Variants in LSAMP observed in about 807,000 individuals in gnomAD.
LSAMP encodes the protein limbic system associated membrane protein.
A neutral mutation model predicts 38.6 loss-of-function variants in LSAMP; 7 were observed. The ratio of observed to expected loss-of-function variants is 0.18; its 90% CI spans 0.10 to 0.34. The LOEUF (loss-of-function observed/expected upper bound fraction) is 0.34, where lower values mean the gene tolerates loss of function less well. Among genes scored for constraint, LSAMP ranks in the 10% least tolerant of loss-of-function variants. The pLI is 1.00. For synonymous variants in LSAMP, 154 were observed against 166.8 expected, an observed-to-expected ratio of 0.92 and a Z score of 0.59; for missense variants, 313 against 420.0, an observed-to-expected ratio of 0.75 and a Z score of 2.23.
chr3:116,231,815 T>C (rs2046405267), intron 1 of LSAMP, among the ~76,000 whole-genome samples: 1 of 152,178 alleles, frequency 6.6e-6, no homozygotes, highest in South Asian at 2.1e-4. Context: ...AGCTCAGAAC[T>C]TAGAACCTTT....
At chr3:115,939,595 C>T (rs1937839881) in intron 3 of LSAMP, among the ~76,000 whole-genome samples, 1 of 44,076 alleles carries the variant, frequency 2.3e-5, no homozygotes. Flanking sequence ...TGTTAAGAGA[C>T]AGGCTGGAGT....
intron 1 of LSAMP, among the ~76,000 whole-genome samples, chr3:116,291,296 T>C (rs1263511807): frequency 6.6e-6 from 1 of 152,190 alleles, no homozygotes; most frequent in Non-Finnish European, 1.5e-5. Flanking sequence ...CTTTGAGGAC[T>C]CTGCCATATG....
chr3:115,988,971 C>G (rs1333376845), intron 3 of LSAMP, among the ~76,000 whole-genome samples: 2 of 152,016 alleles, frequency 1.3e-5, no homozygotes, highest in Admixed American at 1.3e-4. Context: ...TCCCTTCTCA[C>G]CAATAAAACC....
At chr3:116,206,236 G>A (rs2046067203) in intron 1 of LSAMP, among the ~76,000 whole-genome samples, 1 of 149,058 alleles carries the variant, frequency 6.7e-6, no homozygotes, top group Non-Finnish European at 1.5e-5. Context: ...ATTTCTGTGG[G>A]ATCAGTGGTG....
intron 3 of LSAMP, among the ~76,000 whole-genome samples, chr3:115,918,027 G>A (rs889792280): frequency 8.5e-5 from 13 of 152,126 alleles, no homozygotes; most frequent in African/African-American, 2.7e-4. Flanking sequence ...AGAAATCGGG[G>A]CCAGTGCTGT....
At position 116,286,505 on chromosome 3, in the gene LSAMP, T is replaced by C. The variant is rs369083496; in HGVS notation, c.155+158372A>G. On this transcript the variant is annotated intron_variant, in intron 1 of 6. Transcript: ENST00000490035. ...TCATAGCAATTCAGGCTCAGAGTGA[T>C]GCTGTTCTCTTTCAGGCTCATGTCC... Among the ~76,000 whole-genome samples the C allele has an allele frequency of 2.0e-5, 3 of 152,186 alleles. No homozygotes were observed. In the East Asian group the frequency reaches 5.8e-4, roughly 29 times the overall value.
chr3:115,943,922 G>A (rs748374190), intron 3 of LSAMP, among the ~76,000 whole-genome samples: 3 of 152,146 alleles, frequency 2.0e-5, no homozygotes, highest in Admixed American at 6.6e-5. Flanking sequence ...AATACATCTT[G>A]TAACAGGCTG....
intron 1 of LSAMP, among the ~76,000 whole-genome samples, chr3:116,369,029 AT>A (rs1388090043): frequency 2.0e-5 from 3 of 152,226 alleles, no homozygotes; most frequent in African/African-American, 7.2e-5. Flanking sequence ...TTTAAGGACA[AT>A]TCGAGAACAA....
chr3:116,188,303 C>A (rs1710672145), intron 1 of LSAMP, among the ~76,000 whole-genome samples: 1 of 152,158 alleles, frequency 6.6e-6, no homozygotes, highest in Admixed American at 6.5e-5. Context: ...GGAGACCCCC[C>A]AGGAACAGTT....
intron 1 of LSAMP, among the ~76,000 whole-genome samples, chr3:116,118,921 T>C (rs1708812992): frequency 6.6e-6 from 1 of 152,228 alleles, no homozygotes; most frequent in Non-Finnish European, 1.5e-5. Context: ...TTTTCAAATT[T>C]TGTATGTGCA....
intron 1 of LSAMP, among the ~76,000 whole-genome samples, chr3:116,299,485 T>A (rs2047379073): frequency 6.6e-6 from 1 of 152,246 alleles, no homozygotes; most frequent in South Asian, 2.1e-4. Flanking sequence ...ATACTTTTAA[T>A]TAATCTGAAT....
chr3:116,382,351 G>A (rs915940198), intron 1 of LSAMP, among the ~76,000 whole-genome samples: 1 of 152,108 alleles, frequency 6.6e-6, no homozygotes, highest in African/African-American at 2.4e-5. Flanking sequence ...CATGTCCTTT[G>A]TAAGGACATG....
chr3:116,046,845 C>G (rs920677306), intron 2 of LSAMP, among the ~76,000 whole-genome samples: 2 of 152,164 alleles, frequency 1.3e-5, no homozygotes, highest in Admixed American at 6.5e-5. Flanking sequence ...GTCAATACCC[C>G]TTTCGCTTCT....
At chr3:116,195,888 A>C (rs1450187709) in intron 1 of LSAMP, among the ~76,000 whole-genome samples, 1 of 152,200 alleles carries the variant, frequency 6.6e-6, no homozygotes, top group Non-Finnish European at 1.5e-5. Flanking sequence ...TGTTGGATCC[A>C]AGAATCTATT....
At chr3:116,134,290 C>G (rs1576384684) in intron 1 of LSAMP, among the ~76,000 whole-genome samples, 1 of 152,208 alleles carries the variant, frequency 6.6e-6, no homozygotes, top group African/African-American at 2.4e-5. Context: ...ACTGATAAAG[C>G]CCTAGTACAC....
intron 1 of LSAMP, among the ~76,000 whole-genome samples, chr3:116,259,001 T>G (rs545590745): frequency 1.5e-4 from 23 of 152,272 alleles, no homozygotes; most frequent in Admixed American, 2.6e-4. Flanking sequence ...TTTCGCCAAA[T>G]CTGTAGACAT....
Position 116,019,590 on chromosome 3 carries a change from T to C in LSAMP, c.439A>G (p.Ser147Gly), listed in dbSNP as rs1383037719. The C allele has an allele frequency of 1.2e-6, 2 of 1,613,124 alleles. No individual in the cohort carries two copies. Among genetic ancestry groups the C allele is most frequent in the Non-Finnish European group, 1.7e-6 (2 of 1,179,220 alleles). ...ISSDVTVNEG[S>G]NVTLVCMANG... is the part of the protein sequence containing the mutation. ...GCCATGCAGACCAGAGTCACGTTGC[T>C]GCCCTCATTCACAGTGACATCCGAG... is the stretch of plus-strand genomic sequence containing the variant. The change falls in exon 3 of 7, where the codon AGC becomes GGC. Residue 147 changes from serine to glycine, a missense_variant. Ser to Gly is a moderately conservative substitution (Grantham distance 56, BLOSUM62 0). Transcript: ENST00000490035.
intron 1 of LSAMP, among the ~76,000 whole-genome samples, chr3:116,092,170 G>A (rs1483204150): frequency 1.3e-5 from 2 of 152,080 alleles, no homozygotes; most frequent in Non-Finnish European, 2.9e-5. Flanking sequence ...ATTGCATTAG[G>A]TCAATTATAA....
intron 2 of LSAMP, among the ~76,000 whole-genome samples, chr3:116,057,049 G>T (rs1941502720): frequency 1.3e-5 from 2 of 152,122 alleles, no homozygotes. Context: ...TTTACCCAAA[G>T]CCTGACCTTG....
Sources: allele counts gnomAD v4.1 joint callset (sites outside exome capture counted in the v4.1 genomes callset), GRCh38; gene constraint gnomAD v4.1.1; transcripts MANE v1.5; gene names NCBI Gene and HGNC (gene_info 2026-07-23, HGNC 2026-07-21).